Variants in STOX2 observed in about 807,000 individuals in gnomAD.
The protein encoded by STOX2 is storkhead box 2.
A neutral mutation model predicts 60.9 loss-of-function variants in STOX2; 28 were observed. The observed-to-expected ratio is 0.46, with a 90% CI of 0.34 to 0.63. The LOEUF is 0.63. STOX2 is among the 30% of genes least tolerant of loss of function. STOX2 has a pLI of 0.01. For synonymous variants in STOX2, 472 were observed against 463.9 expected (o/e 1.02, Z -0.22); for missense variants, 1,024 against 1,187.7 (o/e 0.86, Z 2.03).
intron 1 of STOX2, among the ~76,000 whole-genome samples, chr4:183,956,963 G>A (rs1743267747): frequency 7.3e-6 from 1 of 136,780 alleles, no homozygotes; most frequent in South Asian, 2.3e-4. Context: ...TGTAAGTTGT[G>A]TGGTGTTCTG....
intron 1 of STOX2, among the ~76,000 whole-genome samples, chr4:183,832,404 C>T (rs1356827167): frequency 6.6e-6 from 1 of 150,870 alleles, no homozygotes; most frequent in African/African-American, 2.4e-5. Context: ...TTGAAATTAT[C>T]TAAGGAATGT....
intron 1 of STOX2, among the ~76,000 whole-genome samples, chr4:183,954,938 C>T (rs1743205338): frequency 6.6e-6 from 1 of 151,588 alleles, no homozygotes; most frequent in African/African-American, 2.4e-5. Flanking sequence ...GGAGTTTCAC[C>T]ATGTTGGCCA....
At chr4:183,934,889 G>A (rs755486040) in intron 1 of STOX2, among the ~76,000 whole-genome samples, 1 of 152,202 alleles carries the variant, frequency 6.6e-6, no homozygotes, top group African/African-American at 2.4e-5. Context: ...CAGCTGCTTC[G>A]CCTCTTGGGG....
At chr4:183,813,432 T>C (rs149751015) in intron 1 of STOX2, among the ~76,000 whole-genome samples, 247 of 152,304 alleles carry the variant, frequency 1.6e-3, no homozygotes, top group African/African-American at 5.8e-3. Flanking sequence ...CTATTTACAT[T>C]GCTTTAGGTA....
intron 1 of STOX2, among the ~76,000 whole-genome samples, chr4:183,933,157 G>T (rs1031402952): frequency 6.6e-6 from 1 of 152,110 alleles, no homozygotes; most frequent in African/African-American, 2.4e-5. Context: ...TAAGCTCCTG[G>T]ATAATTTCCG....
At chr4:183,879,336 T>G (rs1424008894) in intron 1 of STOX2, among the ~76,000 whole-genome samples, 1 of 152,214 alleles carries the variant, frequency 6.6e-6, no homozygotes, top group Non-Finnish European at 1.5e-5. Flanking sequence ...CATGGACATA[T>G]TTGTGCAGTG....
intron 1 of STOX2, among the ~76,000 whole-genome samples, chr4:183,923,098 A>G (rs748904830): frequency 2.0e-5 from 3 of 152,186 alleles, no homozygotes; most frequent in Non-Finnish European, 4.4e-5. Flanking sequence ...CAGGTGTACA[A>G]AGAACTGGCA....
intron 1 of STOX2, among the ~76,000 whole-genome samples, chr4:183,879,746 T>A (rs747395538): frequency 6.6e-6 from 1 of 151,768 alleles, no homozygotes; most frequent in Non-Finnish European, 1.5e-5. Flanking sequence ...AGTGGGAACC[T>A]GTTGGGTCTA....
At chr4:183,933,380 A>AGTTGTT (rs139425065) in intron 1 of STOX2, among the ~76,000 whole-genome samples, 23 of 146,790 alleles carry the variant, frequency 1.6e-4, no homozygotes, top group East Asian at 8.2e-4. Context: ...AAACCCCAGA[A>AGTTGTT]GTTGTTGTTG....
At position 184,023,095 on chromosome 4, in the gene STOX2, T is replaced by A. The variant is rs1175355517; in HGVS notation, c.*5811T>A. ...ATTAAGACGTGCAAGTGGGATTTAC[T>A]GTATGTTAGAAAGGAGTTTTGCAGC... On this transcript the variant is annotated 3_prime_UTR_variant, in exon 4 of 4. Coordinates refer to ENST00000308497, the MANE Select transcript of STOX2 (RefSeq NM_020225.3). 2 of 152,204 alleles carry A rather than the reference T, an allele frequency of 1.3e-5. No individual in the cohort carries two copies. The highest frequency in any genetic ancestry group is 2.9e-5 in the Non-Finnish European group (2 of 68,036). The allele number at this position is 152,204 out of a possible 1,614,324, so 9.4% of individuals were successfully genotyped here. A position where few individuals can be genotyped will look rare whatever the true frequency, so the allele number is the denominator to read the frequency against.
intron 1 of STOX2, among the ~76,000 whole-genome samples, chr4:183,981,861 A>G (rs1183531180): frequency 6.6e-6 from 1 of 152,242 alleles, no homozygotes; most frequent in Non-Finnish European, 1.5e-5. Context: ...ACTCGAACCC[A>G]GGAGGTAGAG....
At chr4:183,826,992 A>G (rs1739449808) in intron 1 of STOX2, among the ~76,000 whole-genome samples, 1 of 152,170 alleles carries the variant, frequency 6.6e-6, no homozygotes, top group African/African-American at 2.4e-5. Context: ...GACCTATTTA[A>G]TCTTCTCAAC....
intron 1 of STOX2, among the ~76,000 whole-genome samples, chr4:183,993,959 TA>T (rs1449100439): frequency 2.6e-5 from 4 of 152,166 alleles, no homozygotes; most frequent in Non-Finnish European, 5.9e-5. Flanking sequence ...AACAGCTTTT[TA>T]AAAAATACTG....
chr4:184,010,217 G>A lies in STOX2; in HGVS notation c.1379G>A (p.Arg460Lys), dbSNP rs747592744. 2.4e-5 allele frequency: 37 copies of A among 1,555,262 alleles called. No individual in the cohort carries two copies. The highest frequency in any genetic ancestry group is 1.7e-4 in the Middle Eastern group (1 of 6,020). ...RTEMPFPEPS[R>K]GSSHSKVHRS... is the part of the protein sequence containing the mutation. ...GAGATGCCTTTTCCTGAACCTTCTA[G>A]GGGAAGCTCCCACTCAAAAGTGCAC... Residue 460 changes from arginine to lysine, a missense_variant, in exon 3 of 4, where the codon AGG becomes AAG. Physicochemically the swap from Arg to Lys is conservative, Grantham distance 26. Transcript: ENST00000308497. This position sits in a 1 kb window ranked among gnomAD's most constrained non-coding sequence, Gnocchi z 4.5.
chr4:183,807,215 G>A (rs1738921608), intron 1 of STOX2, among the ~76,000 whole-genome samples: 2 of 152,134 alleles, frequency 1.3e-5, no homozygotes, highest in African/African-American at 4.8e-5. Context: ...CTCGTGATCT[G>A]CCCGTCTTGG....
At chr4:183,965,442 T>A (rs1194105809) in intron 1 of STOX2, among the ~76,000 whole-genome samples, 1 of 152,206 alleles carries the variant, frequency 6.6e-6, no homozygotes, top group African/African-American at 2.4e-5. Flanking sequence ...ATGACCAAAT[T>A]CTGTTCACTT....
rs1734468607 is a variant in STOX2 at position 184,018,668 on chromosome 4, T to A, written c.*1384T>A. The A allele has an allele frequency of 6.6e-6, 1 of 152,216 alleles. No individual in the cohort carries two copies. Among genetic ancestry groups the A allele is most frequent in the Non-Finnish European group, 1.5e-5 (1 of 68,046 alleles). 9.4% of individuals were successfully genotyped at this position (152,216 alleles called of 1,614,324 possible). A position where few individuals can be genotyped will look rare whatever the true frequency, so the allele number is the denominator to read the frequency against. ...GACCAACTTATTTCCAAATGGTTTG[T>A]TAACATTTTGCTTTGGTTTACAATG... On this transcript the variant is annotated 3_prime_UTR_variant, in exon 4 of 4. Transcript: ENST00000308497.
chr4:183,981,476 A>T (rs1302038271), intron 1 of STOX2, among the ~76,000 whole-genome samples: 1 of 151,696 alleles, frequency 6.6e-6, no homozygotes, highest in Non-Finnish European at 1.5e-5. Context: ...GTTGGAAATA[A>T]ATAGTCTGTA....
chr4:183,958,117 G>T (rs772818566), intron 1 of STOX2, among the ~76,000 whole-genome samples: 13 of 151,578 alleles, frequency 8.6e-5, no homozygotes, highest in Admixed American at 2.0e-4. Flanking sequence ...TTTCAGGGGG[G>T]ATGGTAGAAT....
Sources: gnomAD v4.1 joint callset for allele counts (sites outside exome capture counted in the v4.1 genomes callset) on GRCh38, gnomAD v4.1.1 for gene constraint, Gnocchi (gnomAD v3.1) non-coding constraint, MANE v1.5 for transcripts, NCBI Gene and HGNC (gene_info 2026-07-23, HGNC 2026-07-21) for gene names.